STRN3: variants seen among roughly 807,000 people sequenced by gnomAD.
STRN3 encodes striatin 3, also known as striatin-3.
STRN3 carries 29 observed loss-of-function variants against 95.6 expected under a neutral mutation model. That is an observed-to-expected ratio of 0.30 (90% CI 0.23 to 0.41). STRN3 has a LOEUF of 0.41. Ranked by LOEUF, STRN3 falls within the 10% of genes least tolerant of loss-of-function variation. The pLI is 1.00. For synonymous variants in STRN3, 331 were observed against 357.6 expected (o/e 0.93, Z 0.84); for missense variants, 890 against 972.1 (o/e 0.92, Z 1.12).
intron 9 of STRN3, among the ~76,000 whole-genome samples, chr14:30,918,523 A>G (rs2889998): frequency 6.2e-4 from 12 of 19,266 alleles, no homozygotes; most frequent in South Asian, 2.0e-3. Context: ...AAAAAAAAAG[A>G]AAAAAAAAAA....
At chr14:30,977,805 A>C (rs1203738462) in intron 1 of STRN3, among the ~76,000 whole-genome samples, 2 of 151,302 alleles carry the variant, frequency 1.3e-5, no homozygotes, top group Non-Finnish European at 2.9e-5. Context: ...AAAAAAAAAA[A>C]AAAAAAAAAA....
rs1019763419 is a variant in STRN3 at position 30,931,431 on chromosome 14, A to C, written c.989-2120T>G. Among the ~76,000 whole-genome samples, 7 of 152,216 alleles carry C rather than the reference A, an allele frequency of 4.6e-5. No homozygotes were observed. The East Asian group carries it at 1.3e-3, about 29-fold the overall frequency. The stretch of plus-strand genomic sequence containing the variant: ...ATATGCGTAAGAAAGTTGACTCCTG[A>C]CAGCTCAAACCCACAAAAACACGAA... On this transcript the variant is annotated intron_variant, in intron 7 of 17. Coordinates refer to ENST00000357479, the MANE Select transcript of STRN3 (RefSeq NM_001083893.2).
chr14:30,997,899 A>G (rs1239611954), intron 1 of STRN3, among the ~76,000 whole-genome samples: 1 of 152,220 alleles, frequency 6.6e-6, no homozygotes, highest in Non-Finnish European at 1.5e-5. Flanking sequence ...AGTTGTAAAA[A>G]TCAACTTTTT....
In STRN3 at chr14:30,990,563, T is replaced by G. The variant is rs556811099; in HGVS notation, c.283-34321A>C. Among the ~76,000 whole-genome samples, 8 of 152,042 alleles carry G rather than the reference T, an allele frequency of 5.3e-5. No individual in the cohort carries two copies. The East Asian group carries it at 1.6e-3, about 30-fold the overall frequency. The stretch of plus-strand genomic sequence containing the variant: ...ATAATGAAGACCACAGAATTTAGGG[T>G]GTATATGAGTGCCAAAAAATGTGAC... On this transcript the variant is annotated intron_variant, in intron 1 of 17. Coordinates refer to ENST00000357479, the MANE Select transcript of STRN3 (RefSeq NM_001083893.2).
intron 1 of STRN3, among the ~76,000 whole-genome samples, chr14:31,005,046 G>C (rs1445065549): frequency 1.3e-5 from 2 of 151,998 alleles, no homozygotes; most frequent in Admixed American, 1.3e-4. Context: ...AAGAAAAAAG[G>C]AGCAGCACTG....
rs896216604 is a variant in STRN3 at position 31,010,997 on chromosome 14, C to T, written c.282+14907G>A. Among the ~76,000 whole-genome samples, 5 of 152,198 alleles carry T rather than the reference C, an allele frequency of 3.3e-5. 1 individual carries two copies. Among genetic ancestry groups the T allele is most frequent in the African/African-American group, 4.8e-5 (2 of 41,442 alleles). ...GAGGTTGCAGTGAGCCAAAATTGCG[C>T]CACTGCACTCCAGCCTGGGTGACAG... On this transcript the variant is annotated intron_variant, in intron 1 of 17. Transcript: ENST00000357479.
At chr14:30,902,789 C>T (rs1038057077) in intron 15 of STRN3, 146 bp from the exon 16 acceptor site, 1 of 593,228 alleles carries the variant, frequency 1.7e-6, no homozygotes, top group Non-Finnish European at 2.9e-6. Flanking sequence ...CAAACAAGGA[C>T]TCTAGAGAGA....
chr14:30,969,140 A>C (rs767844104), intron 1 of STRN3, among the ~76,000 whole-genome samples: 1 of 152,208 alleles, frequency 6.6e-6, no homozygotes, highest in Non-Finnish European at 1.5e-5. Flanking sequence ...AAAAAAGGTT[A>C]AAAAGAGTCT....
chr14:31,019,227 G>A (rs907437205), intron 1 of STRN3, among the ~76,000 whole-genome samples: 3 of 152,160 alleles, frequency 2.0e-5, no homozygotes, highest in African/African-American at 7.2e-5. Context: ...AGGACTATTT[G>A]AACCCAAGAG....
intron 15 of STRN3, among the ~76,000 whole-genome samples, chr14:30,904,808 G>A (rs1445414744): frequency 6.6e-6 from 1 of 151,880 alleles, no homozygotes; most frequent in African/African-American, 2.4e-5. Flanking sequence ...AAAAAACAGT[G>A]AACCTGAATT....
At chr14:31,001,725 A>G (rs1390135810) in intron 1 of STRN3, among the ~76,000 whole-genome samples, 1 of 152,198 alleles carries the variant, frequency 6.6e-6, no homozygotes, top group Non-Finnish European at 1.5e-5. Context: ...TAAAACTGGA[A>G]GCAACTCAAG....
chr14:30,980,231 C>T (rs1432695528), intron 1 of STRN3, among the ~76,000 whole-genome samples: 1 of 151,862 alleles, frequency 6.6e-6, no homozygotes, highest in East Asian at 2.0e-4. Flanking sequence ...GATGACAGAG[C>T]AAGACTCTGT....
intron 7 of STRN3, among the ~76,000 whole-genome samples, chr14:30,929,966 A>AAAAAAC (rs1555317369): frequency 9.2e-6 from 1 of 108,282 alleles, no homozygotes; most frequent in Non-Finnish European, 1.8e-5. Context: ...AAAAAAAAAA[A>AAAAAAC]AAAAAAAAAA....
At chr14:30,947,424 T>C (rs1359815561) in intron 4 of STRN3, among the ~76,000 whole-genome samples, 161 bp from the exon 5 acceptor site, 1 of 152,150 alleles carries the variant, frequency 6.6e-6, no homozygotes, top group Non-Finnish European at 1.5e-5. Flanking sequence ...AAGAGAACAA[T>C]ACCAAATACA....
intron 1 of STRN3, among the ~76,000 whole-genome samples, chr14:31,014,405 A>G (rs1192628214): frequency 1.3e-5 from 2 of 151,996 alleles, no homozygotes; most frequent in Middle Eastern, 3.2e-3. Context: ...TATTTTTAGT[A>G]AAGACGGGGT....
intron 4 of STRN3, among the ~76,000 whole-genome samples, chr14:30,948,710 T>C (rs1284893642): frequency 6.6e-6 from 1 of 152,198 alleles, no homozygotes; most frequent in Non-Finnish European, 1.5e-5. Flanking sequence ...GGAGATAAAC[T>C]ACCTTTAACA....
chr14:30,999,717 A>C (rs1882361316), intron 1 of STRN3, among the ~76,000 whole-genome samples: 1 of 152,214 alleles, frequency 6.6e-6, no homozygotes, highest in African/African-American at 2.4e-5. Context: ...CATGATGAGA[A>C]TCAAGGAAGG....
intron 13 of STRN3, 136 bp downstream of exon 13, chr14:30,910,905 A>T: frequency 1.1e-6 from 1 of 940,618 alleles, no homozygotes; most frequent in Non-Finnish European, 1.5e-6. Flanking sequence ...TCTTTAATAA[A>T]GCAATTTATT....
chr14:30,977,794 G>GAAAAAAAAAAA (rs869303485), intron 1 of STRN3, among the ~76,000 whole-genome samples: 1 of 109,926 alleles, frequency 9.1e-6, no homozygotes, highest in African/African-American at 3.8e-5. Context: ...ACTCTATCTC[G>GAAAAAAAAAAA]AAAAAAAAAA....
Sources: gnomAD v4.1 joint callset for allele counts (sites outside exome capture counted in the v4.1 genomes callset) on GRCh38, gnomAD v4.1.1 for gene constraint, MANE v1.5 for transcripts, NCBI Gene and HGNC (gene_info 2026-07-23, HGNC 2026-07-21) for gene names.